The following SYTL2 variants were observed in gnomAD, a reference collection of about 807,000 sequenced individuals.
SYTL2 encodes the protein synaptotagmin like 2.
In SYTL2, 165 loss-of-function variants were observed where a neutral mutation model predicts 198.7. The observed-to-expected ratio is 0.83, with a 90% CI of 0.73 to 0.94. The LOEUF (loss-of-function observed/expected upper bound fraction) is 0.94, where lower values mean the gene tolerates loss of function less well. Ranked by LOEUF, SYTL2 falls within the 40% of genes least tolerant of loss-of-function variation. The pLI is 0.00. For synonymous variants in SYTL2, 966 were observed against 917.7 expected (o/e 1.05, Z -0.95); for missense variants, 2,835 against 2,582.8 (o/e 1.10, Z -2.12).
chr11:85,819,937 C>T, the SYTL2 span, among the ~76,000 whole-genome samples: 1 of 152,224 alleles, frequency 6.6e-6, no homozygotes, highest in African/African-American at 2.4e-5. Context: ...TTATTCCTCT[C>T]TCTCAATGTC....
chr11:85,805,948 C>A (rs2092953458), intron 1 of SYTL2, among the ~76,000 whole-genome samples: 1 of 152,106 alleles, frequency 6.6e-6, no homozygotes, highest in Admixed American at 6.5e-5. Flanking sequence ...CTTATTTTGG[C>A]CTTCTTTTAT....
chr11:85,734,468 G>T lies in SYTL2; in HGVS notation c.861C>A (p.Thr287=), dbSNP rs1372126644. The change falls in exon 7 of 20, where the codon ACC becomes ACA. Residue 287 remains threonine (T), a synonymous_variant. Transcript: ENST00000359152. ...GTTCAAAGTTGTGATTATAACGAAG[G>T]GTTTCTGAGTCTGTGCTACTGGAAC... ...NSSSSSTDSE[T]LRYNHNFEPK... is the part of the protein sequence containing the mutation. 1 of 1,614,060 alleles carries T rather than the reference G, an allele frequency of 6.2e-7. No homozygotes were observed. The highest frequency in any genetic ancestry group is 8.5e-7 in the Non-Finnish European group (1 of 1,180,038).
intron 9 of SYTL2, among the ~76,000 whole-genome samples, chr11:85,719,614 C>T (rs774991064): frequency 2.0e-5 from 3 of 151,844 alleles, no homozygotes; most frequent in Non-Finnish European, 4.4e-5. Context: ...AGCATTCAGG[C>T]GGATATGGGG....
chr11:85,741,499 C>T (rs1591839061), intron 4 of SYTL2, among the ~76,000 whole-genome samples: 1 of 152,178 alleles, frequency 6.6e-6, no homozygotes, highest in Admixed American at 6.5e-5. Context: ...TAAATCTGAG[C>T]TCTTATAGAA....
chr11:85,851,185 A>G, the SYTL2 span, among the ~76,000 whole-genome samples: 1 of 152,230 alleles, frequency 6.6e-6, no homozygotes, highest in Non-Finnish European at 1.5e-5. Flanking sequence ...ATAAAAAAAA[A>G]AGAGAATATT....
At chr11:85,735,811 C>T (rs592380) in intron 6 of SYTL2, among the ~76,000 whole-genome samples, 113,112 of 152,008 alleles carry the variant, frequency 0.74, 42,508 homozygotes, top group African/African-American at 0.85. Flanking sequence ...CAGTGATTTT[C>T]TTCTACAAAA....
intron 1 of SYTL2, among the ~76,000 whole-genome samples, chr11:85,801,542 T>C (rs890496974): frequency 6.6e-6 from 1 of 152,212 alleles, no homozygotes; most frequent in Non-Finnish European, 1.5e-5. Flanking sequence ...AAAGCTTTAA[T>C]ATATGTTATC....
intron 10 of SYTL2, among the ~76,000 whole-genome samples, chr11:85,717,986 C>T (rs1449108391): frequency 1.3e-5 from 2 of 152,068 alleles, no homozygotes; most frequent in African/African-American, 4.8e-5. Context: ...AAAGACAGAA[C>T]GATTACATAA....
rs1490003013 is a variant in SYTL2 at position 85,724,073 on chromosome 11, C to G, written c.5285G>C (p.Gly1762Ala). 6.4e-7 allele frequency: 1 copy of G among 1,553,744 alleles called. No individual in the cohort carries two copies. The highest frequency in any genetic ancestry group is 1.3e-5 in the South Asian group (1 of 77,926). The change falls in exon 8 of 20, where the codon GGA (glycine) becomes GCA (alanine). Residue 1762 changes from glycine (G) to alanine (A), a missense_variant. Physicochemically the swap from Gly to Ala is moderately conservative, Grantham distance 60. Transcript: ENST00000359152. ...EGFSESDFSD[G>A]NTSSNAESWR... ...GCTCTCTGCATTAGAACTGGTGTTT[C>G]CATCTGAAAAATCAGACTCAGAGAA...
the SYTL2 span, among the ~76,000 whole-genome samples, chr11:85,841,106 A>G: frequency 6.6e-6 from 1 of 152,220 alleles, no homozygotes; most frequent in Admixed American, 6.5e-5. Context: ...TGATCAGCAA[A>G]TCAAAACCAC....
intron 9 of SYTL2, among the ~76,000 whole-genome samples, chr11:85,720,271 C>T (rs1010667453): frequency 7.2e-5 from 11 of 152,216 alleles, no homozygotes; most frequent in African/African-American, 2.7e-4. Flanking sequence ...AACTCCGTAT[C>T]ATGCAAAATT....
At chr11:85,730,102 T>G (rs1477653311) in intron 7 of SYTL2, among the ~76,000 whole-genome samples, 3 of 152,140 alleles carry the variant, frequency 2.0e-5, no homozygotes, top group Non-Finnish European at 4.4e-5. Flanking sequence ...CAGCAATTAA[T>G]AGCCTAGCAA....
At chr11:85,846,575 G>A in the SYTL2 span, among the ~76,000 whole-genome samples, 2 of 151,700 alleles carry the variant, frequency 1.3e-5, no homozygotes, top group South Asian at 2.1e-4. Context: ...TTACAGGTGT[G>A]CACCACCACA....
chr11:85,716,548 T>C (rs1479457513), intron 11 of SYTL2: 2 of 152,214 alleles, frequency 1.3e-5, no homozygotes, highest in Admixed American at 1.3e-4. Context: ...GCTTTCCTCA[T>C]TAAGCCCTAT....
chr11:85,717,548 A>T lies in SYTL2; in HGVS notation c.5483-18T>A. ...TTTCTCATCTACTCAGGAGGGCAAC[A>T]TTGAGAATAAATACCATTTTAACAG... is the stretch of plus-strand genomic sequence containing the variant. On this transcript the variant is annotated intron_variant, in intron 10 of 19. Transcript: ENST00000359152. 2 of 1,604,216 alleles carry T rather than the reference A, an allele frequency of 1.2e-6. No individual in the cohort carries two copies. Among genetic ancestry groups the T allele is most frequent in the Non-Finnish European group, 1.7e-6 (2 of 1,171,356 alleles).
chr11:85,835,738 C>T, the SYTL2 span, among the ~76,000 whole-genome samples: 1 of 152,142 alleles, frequency 6.6e-6, no homozygotes, highest in Admixed American at 6.6e-5. Context: ...TCCTTCACTG[C>T]TTTCTTGTAT....
At chr11:85,698,147 TC>T in intron 17 of SYTL2, 69 bp from the exon 18 acceptor site, 1 of 1,045,190 alleles carries the variant, frequency 9.6e-7, no homozygotes, top group South Asian at 1.3e-5. Flanking sequence ...TCCAAAGATG[TC>T]AGCCTAAAAA....
chr11:85,727,227 C>G lies in SYTL2; in HGVS notation c.2131G>C (p.Glu711Gln). Residue 711 changes from glutamate to glutamine, a missense_variant, in exon 8 of 20, where the codon GAA (glutamate) becomes CAA (glutamine). Physicochemically the swap from Glu to Gln is conservative, Grantham distance 29. Coordinates refer to ENST00000359152, the MANE Select transcript of SYTL2 (RefSeq NM_206927.4). ...HAHEENRGHSEVNFDSSTVVK... is the reference protein window; with the variant it reads ...HAHEENRGHSQVNFDSSTVVK... The stretch of plus-strand genomic sequence containing the variant: ...ACTGTTGAAGAGTCAAAATTCACTT[C>G]TGAGTGTCCTCTATTTTCTTCATGA... 1 of 1,536,214 alleles carries G rather than the reference C, an allele frequency of 6.5e-7. No individual in the cohort carries two copies. Among genetic ancestry groups the G allele is most frequent in the Non-Finnish European group, 8.7e-7 (1 of 1,146,912 alleles).
intron 13 of SYTL2, 50 bp downstream of exon 13, chr11:85,711,063 A>G: frequency 1.3e-6 from 2 of 1,595,050 alleles, no homozygotes; most frequent in Non-Finnish European, 1.7e-6. Flanking sequence ...ATGTCAGAGC[A>G]AGGTTCAGAG....
Sources: allele counts gnomAD v4.1 joint callset (sites outside exome capture counted in the v4.1 genomes callset), GRCh38; gene constraint gnomAD v4.1.1; transcripts MANE v1.5; gene names NCBI Gene and HGNC (gene_info 2026-07-23, HGNC 2026-07-21).